PLEKHA5: variants seen among roughly 807,000 people sequenced by gnomAD.
PLEKHA5 encodes the protein pleckstrin homology domain containing A5.
In PLEKHA5, 55 loss-of-function variants were observed where a neutral mutation model predicts 181.9. That is an observed-to-expected ratio of 0.30 (90% CI 0.24 to 0.38). The LOEUF (loss-of-function observed/expected upper bound fraction) is 0.38. Ranked by LOEUF, PLEKHA5 falls within the 10% of genes least tolerant of loss-of-function variation. PLEKHA5 has a pLI of 1.00. For synonymous variants in PLEKHA5, 535 were observed against 529.4 expected, an observed-to-expected ratio of 1.01 and a Z score of -0.15; for missense variants, 1,432 against 1,549.5, an observed-to-expected ratio of 0.92 and a Z score of 1.27.
At chr12:19,299,012 A>C (rs1255281075) in intron 15 of PLEKHA5, among the ~76,000 whole-genome samples, 5 of 152,192 alleles carry the variant, frequency 3.3e-5, no homozygotes, top group Non-Finnish European at 5.9e-5. Context: ...CTGATGAAGA[A>C]GAAGAAAAAC....
intron 23 of PLEKHA5, 33 bp downstream of exon 23, chr12:19,345,921 A>AGAAATT: frequency 9.8e-7 from 1 of 1,020,292 alleles, no homozygotes; most frequent in Non-Finnish European, 1.5e-6. Flanking sequence ...ATTATAAATT[A>AGAAATT]CTTTTAATGC....
chr12:19,307,915 C>T (rs1396396844), intron 15 of PLEKHA5, among the ~76,000 whole-genome samples: 1 of 151,594 alleles, frequency 6.6e-6, no homozygotes, highest in African/African-American at 2.4e-5. Flanking sequence ...TCACCATCCC[C>T]TGGGAAACAT....
chr12:19,366,116 A>C lies in PLEKHA5; in HGVS notation c.3754+7A>C. The C allele has an allele frequency of 6.3e-7, 1 of 1,595,378 alleles. No homozygotes were observed. The highest frequency in any genetic ancestry group is 8.5e-7 in the Non-Finnish European group (1 of 1,171,666). The stretch of plus-strand genomic sequence containing the variant: ...GGAAATCAAACAATGGCAGGTAGGT[A>C]GTATACACTTCATAATTTTCTACCT... On this transcript the variant is annotated splice_region_variant and intron_variant, in intron 30 of 31. Coordinates refer to ENST00000429027, the MANE Select transcript of PLEKHA5 (RefSeq NM_001256470.2).
At chr12:19,182,184 C>G (rs557408364) in intron 3 of PLEKHA5, among the ~76,000 whole-genome samples, 22 of 152,266 alleles carry the variant, frequency 1.4e-4, no homozygotes, top group African/African-American at 5.3e-4. Context: ...AACACATGCT[C>G]CTAAAATTTT....
chr12:19,335,557 A>C (rs1461023818), intron 20 of PLEKHA5, among the ~76,000 whole-genome samples: 4 of 149,354 alleles, frequency 2.7e-5, no homozygotes, highest in Non-Finnish European at 4.4e-5. Context: ...CTGGGATTAC[A>C]GGCGCCTGCC....
chr12:19,226,427 C>A (rs1279453611), intron 3 of PLEKHA5, among the ~76,000 whole-genome samples: 1 of 152,088 alleles, frequency 6.6e-6, no homozygotes. Flanking sequence ...TGTTTGAATA[C>A]CTGTTTTTAA....
chr12:19,258,012 A>G lies in PLEKHA5; in HGVS notation c.537+475A>G, dbSNP rs375939906. 3.9e-5 allele frequency among the ~76,000 whole-genome samples: 6 copies of G among 151,942 alleles called. No homozygotes were observed. The East Asian group carries it at 1.2e-3, about 29-fold the overall frequency. On this transcript the variant is annotated intron_variant, in intron 6 of 31. Coordinates refer to ENST00000429027, the MANE Select transcript of PLEKHA5 (RefSeq NM_001256470.2). ...TGAGTTTTTTCAGATTTTTGATTCT[A>G]TAATATGAGATTATTCTTTCTTCCT...
At chr12:19,264,953 A>G (rs1379468071) in intron 7 of PLEKHA5, among the ~76,000 whole-genome samples, 3 of 152,210 alleles carry the variant, frequency 2.0e-5, no homozygotes, top group African/African-American at 7.2e-5. Context: ...GCCCCCAAGC[A>G]GCAAGTTAAT....
intron 3 of PLEKHA5, among the ~76,000 whole-genome samples, chr12:19,240,710 A>G (rs961684884): frequency 6.6e-6 from 1 of 151,794 alleles, no homozygotes; most frequent in African/African-American, 2.4e-5. Context: ...GGCCTAAAGC[A>G]GTCCTCTCAC....
Position 19,184,308 on chromosome 12 carries a change from C to T in PLEKHA5, c.227+51858C>T, listed in dbSNP as rs568167066. Among the ~76,000 whole-genome samples, 5 of 152,108 alleles carry T rather than the reference C, an allele frequency of 3.3e-5. No individual in the cohort carries two copies. The East Asian group carries it at 9.7e-4, about 29-fold the overall frequency. The stretch of plus-strand genomic sequence containing the variant: ...CATAGTCTATTTGAATAGTAAACCC[C>T]CAAAAATCTGGTTTTATGGCTGACA... On this transcript the variant is annotated intron_variant, in intron 3 of 31. Transcript: ENST00000429027.
At position 19,352,858 on chromosome 12, in the gene PLEKHA5, G is replaced by A. The variant is rs540035779; in HGVS notation, c.3020-1026G>A. Among the ~76,000 whole-genome samples the A allele has an allele frequency of 1.9e-3, 287 of 150,050 alleles. 1 individual carries two copies. Among genetic ancestry groups the A allele is most frequent in the Non-Finnish European group, 2.6e-3 (174 of 67,498 alleles). ...TGCCCAGGCTGGAGTGCAGTGGTGC[G>A]ATCTCAACTCACTGTAACCTCTGCA... On this transcript the variant is annotated intron_variant, in intron 25 of 31. Transcript: ENST00000429027.
At chr12:19,368,618 C>A (rs761763247) in intron 30 of PLEKHA5, among the ~76,000 whole-genome samples, 24 of 151,996 alleles carry the variant, frequency 1.6e-4, no homozygotes, top group Non-Finnish European at 3.4e-4. Context: ...CATGGAGAAA[C>A]CCCGTCTCTA....
chr12:19,308,244 T>A (rs16915364), intron 15 of PLEKHA5, among the ~76,000 whole-genome samples: 8,911 of 152,200 alleles, frequency 0.059, 444 homozygotes, highest in East Asian at 0.2. Flanking sequence ...AGTGACTGAA[T>A]ATTGCCTCTA....
intron 3 of PLEKHA5, chr12:19,200,201 T>C (rs536922543): frequency 8.8e-5 from 58 of 659,576 alleles, no homozygotes; most frequent in Middle Eastern, 8.7e-4. Flanking sequence ...CCTAACTTGA[T>C]CATTACACTT....
At chr12:19,185,327 G>A (rs1436688622) in intron 3 of PLEKHA5, among the ~76,000 whole-genome samples, 5 of 152,014 alleles carry the variant, frequency 3.3e-5, no homozygotes, top group Non-Finnish European at 7.4e-5. Flanking sequence ...CATTGACCAG[G>A]GTGTGCACAT....
intron 3 of PLEKHA5, among the ~76,000 whole-genome samples, chr12:19,247,936 AGAG>A (rs1565515435): frequency 8.6e-6 from 1 of 116,234 alleles, no homozygotes; most frequent in Admixed American, 1.1e-4. Context: ...TAAAAAAAAA[AGAG>A]AGAGAGAGAG....
chr12:19,257,570 CAG>C (rs2067199450), intron 6 of PLEKHA5, 33 bp downstream of exon 6: 1 of 1,091,666 alleles, frequency 9.2e-7, no homozygotes, highest in African/African-American at 1.6e-5. Flanking sequence ...AAACAAAAGA[CAG>C]AATTAGAAGG....
chr12:19,213,991 C>G (rs2057463519), intron 3 of PLEKHA5, among the ~76,000 whole-genome samples: 2 of 152,024 alleles, frequency 1.3e-5, no homozygotes, highest in South Asian at 2.1e-4. Flanking sequence ...CTAATATTAT[C>G]AGAGCAATAG....
rs748562383 is a variant in PLEKHA5, at chr12:19,336,620, C to G, written c.2550+4C>G. On this transcript the variant is annotated splice_donor_region_variant and intron_variant, in intron 21 of 31. Transcript: ENST00000429027. ...GGATCACCTTGGTGAAGTTCAGGTA[C>G]AAAAGTATAATATTCTTTATATTGT... is the stretch of plus-strand genomic sequence containing the variant. The G allele has an allele frequency of 4.7e-6, 7 of 1,497,238 alleles. No homozygotes were observed. The highest frequency in any genetic ancestry group is 6.5e-6 in the Non-Finnish European group (7 of 1,076,050). 92.7% of individuals were successfully genotyped at this position (1,497,238 alleles called of 1,614,324 possible).
Sources: gnomAD v4.1 joint callset for allele counts (sites outside exome capture counted in the v4.1 genomes callset) on GRCh38, gnomAD v4.1.1 for gene constraint, MANE v1.5 for transcripts, NCBI Gene and HGNC (gene_info 2026-07-23, HGNC 2026-07-21) for gene names.